PRAMEF20: variants seen among roughly 807,000 people sequenced by gnomAD.
PRAMEF20 encodes the protein PRAME family member 20.
In PRAMEF20, 27 loss-of-function variants were observed where a neutral mutation model predicts 32.4. The ratio of observed to expected loss-of-function variants is 0.83; its 90% confidence interval spans 0.61 to 1.15. The LOEUF is 1.15. Ranked by LOEUF, PRAMEF20 falls within the 50% of genes most tolerant of loss-of-function variation. The probability of loss-of-function intolerance (pLI) is 0.00; values close to 1 mark genes in which losing one functional copy is unlikely to be tolerated. For synonymous variants in PRAMEF20, 256 were observed against 235.4 expected (o/e 1.09, Z -0.80); for missense variants, 604 against 584.5 (o/e 1.03, Z -0.34).
At chr1:13,413,287 G>A (rs1427766337), upstream of PRAMEF20, among the ~76,000 whole-genome samples, 1 of 152,164 alleles carries the variant, frequency 6.6e-6, no homozygotes, top group Non-Finnish European at 1.5e-5. Context: ...AGTTAATCTG[G>A]AAGAAAGCCA....
At chr1:13,420,621 C>T (rs1219321467) in intron 2 of PRAMEF20, 76 bp from the exon 4 acceptor site, 2 of 1,601,234 alleles carry the variant, frequency 1.2e-6, no homozygotes, top group Non-Finnish European at 1.7e-6. Context: ...CCATCCATCA[C>T]TTTGAAGTCA....
At chr1:13,417,590 G>A (rs1481361666) in intron 1 of PRAMEF20, among the ~76,000 whole-genome samples, 49 of 151,024 alleles carry the variant, frequency 3.2e-4, no homozygotes, top group Non-Finnish European at 5.9e-4. Flanking sequence ...GCGACAGAGG[G>A]AGACTCTGTC....
chr1:13,420,916 A>G, exon 3 of PRAMEF20: 22 of 1,613,830 alleles, frequency 1.4e-5, no homozygotes, highest in Non-Finnish European at 1.8e-5. Flanking sequence ...GTGGCATCGT[A>G]GACTCCCAAG....
chr1:13,416,275 A>G, upstream of PRAMEF20: 1 of 1,610,940 alleles, frequency 6.2e-7, no homozygotes, highest in Non-Finnish European at 8.5e-7. Context: ...CTGGGAGATG[A>G]GATTGCATGG....
intron 1 of PRAMEF20, among the ~76,000 whole-genome samples, chr1:13,417,848 TCTC>T (rs1391300918): frequency 1.4e-5 from 2 of 148,058 alleles, no homozygotes; most frequent in Non-Finnish European, 3.0e-5. Context: ...TTCACATTAT[TCTC>T]CTGCCTCAGC....
At chr1:13,420,207 G>T (rs1405253691) in intron 2 of PRAMEF20, among the ~76,000 whole-genome samples, 3 of 151,702 alleles carry the variant, frequency 2.0e-5, no homozygotes, top group Non-Finnish European at 4.4e-5. Flanking sequence ...CCTGAAATGG[G>T]TTTTTTATTT....
At chr1:13,416,260 T>G (rs1641168070), upstream of PRAMEF20, 1 of 1,605,920 alleles carries the variant, frequency 6.2e-7, no homozygotes, top group Admixed American at 1.7e-5. Context: ...GCAATGACTT[T>G]GGCCCTGGGA....
upstream of PRAMEF20, among the ~76,000 whole-genome samples, chr1:13,412,110 G>A (rs1641120479): frequency 6.6e-6 from 1 of 151,174 alleles, no homozygotes; most frequent in East Asian, 1.9e-4. Flanking sequence ...CTCTCACTCA[G>A]GCTATCCGGG....
At chr1:13,415,156 T>C (rs1641156340), upstream of PRAMEF20, among the ~76,000 whole-genome samples, 1 of 151,612 alleles carries the variant, frequency 6.6e-6, no homozygotes, top group Admixed American at 6.6e-5. Flanking sequence ...CTCAGCTCAC[T>C]GTAACCTCCG....
At chr1:13,415,174 G>A (rs1641156614), upstream of PRAMEF20, among the ~76,000 whole-genome samples, 3 of 151,118 alleles carry the variant, frequency 2.0e-5, no homozygotes, top group Admixed American at 1.3e-4. Context: ...CCGCCTCCCG[G>A]GTTCAAGTGA....
chr1:13,417,734 CTTTT>C (rs1275843024), intron 1 of PRAMEF20, among the ~76,000 whole-genome samples: 1 of 125,558 alleles, frequency 8.0e-6, no homozygotes. Context: ...GAAGTGAGTC[CTTTT>C]TTTTTTTTTT....
At chr1:13,418,674 C>T (rs1641210380) in exon 2 of PRAMEF20, 7 of 1,613,766 alleles carry the variant, frequency 4.3e-6, no homozygotes, top group Non-Finnish European at 5.9e-6. Flanking sequence ...TTTCTTTCCT[C>T]GAAGGCCACC....
At chr1:13,416,757 T>C (rs1641179237) in intron 1 of PRAMEF20, 116 bp downstream of exon 2, 1 of 1,577,082 alleles carries the variant, frequency 6.3e-7, no homozygotes, top group Non-Finnish European at 8.6e-7. Flanking sequence ...ATGGTTTTGG[T>C]GAGGAAGCTT....
chr1:13,417,602 C>CA lies in PRAMEF20; in HGVS notation c.288-508dup, dbSNP rs573298826. Among the ~76,000 whole-genome samples, 219 of 123,434 alleles carry CA rather than the reference C, an allele frequency of 1.8e-3. 1 individual carries two copies. Among genetic ancestry groups the CA allele is most frequent in the Middle Eastern group, 4.4e-3 (1 of 226 alleles). 81.0% of individuals were successfully genotyped at this position (123,434 alleles called of 152,430 possible). A position where few individuals can be genotyped will look rare whatever the true frequency, so the allele number is the denominator to read the frequency against. On this transcript the variant is annotated intron_variant, in intron 1 of 2. Coordinates refer to ENST00000602960, the Ensembl canonical transcript of PRAMEF20. ...TGGGCGACAGAGGGAGACTCTGTCTCAAAAAAAAAAAAGTGGAACTGGGCA... is the reference window on the plus strand; with the variant it reads ...TGGGCGACAGAGGGAGACTCTGTCTCAAAAAAAAAAAAAGTGGAACTGGGCA...
At chr1:13,421,266 C>A in exon 3 of PRAMEF20, 1 of 1,613,714 alleles carries the variant, frequency 6.2e-7, no homozygotes, top group South Asian at 1.1e-5. Flanking sequence ...TGAATGCCTG[C>A]CTATTTGGGT....
chr1:13,418,233 A>T lies in PRAMEF20; in HGVS notation c.399A>T (p.Lys133Asn), dbSNP rs1424873713. The change falls in exon 2 of 3, where the codon AAA (lysine) becomes AAT (asparagine). Residue 133 changes from lysine (K) to asparagine (N), a missense_variant. By Grantham distance (94) the Lys-to-Asn change is moderately conservative. Transcript: ENST00000602960. ...TACCAAATGCCATGATGAACAGAAA[A>T]CCACTGCAGGACTGTCCAAGGATGA... 3.1e-6 allele frequency: 5 copies of T among 1,612,158 alleles called. No homozygotes were observed. The Admixed American group carries it at 8.4e-5, about 27-fold the overall frequency.
At chr1:13,418,545 C>G (rs1014795581) in exon 2 of PRAMEF20, 2 of 1,613,964 alleles carry the variant, frequency 1.2e-6, no homozygotes, top group African/African-American at 2.7e-5. Flanking sequence ...TTCGGAAGCT[C>G]GTTCTCTCTG....
chr1:13,420,191 ACT>A (rs1641227659), intron 2 of PRAMEF20, among the ~76,000 whole-genome samples: 1 of 151,938 alleles, frequency 6.6e-6, no homozygotes, highest in Admixed American at 6.6e-5. Flanking sequence ...TAGGGAAAAG[ACT>A]CAGCCTGAAA....
chr1:13,417,279 G>A (rs1235232199), intron 1 of PRAMEF20, among the ~76,000 whole-genome samples: 7 of 151,908 alleles, frequency 4.6e-5, no homozygotes, highest in Admixed American at 1.3e-4. Flanking sequence ...TCATCCCCAC[G>A]ATTGGCTACT....
Sources: gnomAD v4.1 joint callset for allele counts (sites outside exome capture counted in the v4.1 genomes callset) on GRCh38, gnomAD v4.1.1 for gene constraint, MANE v1.5 for transcripts, NCBI Gene and HGNC (gene_info 2026-07-23, HGNC 2026-07-21) for gene names.